STK3: variants seen among roughly 807,000 people sequenced by gnomAD.
STK3 encodes the protein serine/threonine kinase 3.
STK3 carries 41 observed loss-of-function variants against 58.0 expected under a neutral mutation model. The ratio of observed to expected loss-of-function variants is 0.71; its 90% CI spans 0.55 to 0.92. STK3 has a LOEUF of 0.92. STK3 is among the 40% of genes least tolerant of loss of function. The probability of loss-of-function intolerance (pLI) is 0.00; values close to 1 mark genes in which losing one functional copy is unlikely to be tolerated. For missense variants in STK3, 479 were observed against 602.7 expected (o/e 0.79, Z 2.15); for synonymous variants, 170 against 191.0 (o/e 0.89, Z 0.91).
chr8:98,458,026 G>A (rs1819630043), intron 10 of STK3, among the ~76,000 whole-genome samples: 1 of 151,994 alleles, frequency 6.6e-6, no homozygotes. Context: ...TAAGGAATTA[G>A]GTGTTCATGT....
At chr8:98,350,074 C>A in the STK3 span, among the ~76,000 whole-genome samples, 1 of 152,098 alleles carries the variant, frequency 6.6e-6, no homozygotes, top group Non-Finnish European at 1.5e-5. Context: ...TGCAATTTTT[C>A]CGAACTTTTA....
chr8:98,868,703 C>T (rs981640747), intron 3 of STK3, among the ~76,000 whole-genome samples: 1 of 152,074 alleles, frequency 6.6e-6, no homozygotes, highest in Non-Finnish European at 1.5e-5. Flanking sequence ...TGCAGTGGCT[C>T]GTGCCTGTAA....
chr8:98,413,471 A>T, intron 3 of STK3: 1 of 599,412 alleles, frequency 1.7e-6, no homozygotes. Context: ...AACTGCTCTG[A>T]AGTGGCTTCA....
At chr8:98,543,068 A>G (rs952525603) in intron 9 of STK3, among the ~76,000 whole-genome samples, 2 of 152,154 alleles carry the variant, frequency 1.3e-5, no homozygotes, top group African/African-American at 4.8e-5. Context: ...ATGGGAGCCT[A>G]TTAGAGGGGC....
chr8:98,548,725 C>T (rs962862990), intron 8 of STK3, among the ~76,000 whole-genome samples: 1 of 152,096 alleles, frequency 6.6e-6, no homozygotes, highest in Non-Finnish European at 1.5e-5. Flanking sequence ...TTCATTCCCC[C>T]TTTCCCCAGC....
chr8:98,890,535 C>T (rs900077069), intron 1 of STK3, among the ~76,000 whole-genome samples: 42 of 152,176 alleles, frequency 2.8e-4, no homozygotes, highest in African/African-American at 9.9e-4. Flanking sequence ...CAATCTGCTA[C>T]TCTGTTATTA....
chr8:98,662,443 A>G (rs1221001496), intron 6 of STK3, among the ~76,000 whole-genome samples: 2 of 152,196 alleles, frequency 1.3e-5, no homozygotes, highest in South Asian at 2.1e-4. Context: ...AAATTAAACA[A>G]TATGATCTAT....
chr8:98,930,416 AGAGTGT>A (rs1464700551), intron 1 of STK3, among the ~76,000 whole-genome samples: 1 of 152,236 alleles, frequency 6.6e-6, no homozygotes, highest in African/African-American at 2.4e-5. Context: ...TGTTCCATGC[AGAGTGT>A]GTTACTGAAT....
chr8:98,641,099 T>C (rs1819982155), intron 6 of STK3, among the ~76,000 whole-genome samples: 1 of 152,084 alleles, frequency 6.6e-6, no homozygotes, highest in African/African-American at 2.4e-5. Context: ...ATTTACAAAT[T>C]TCCCAGCACT....
intron 1 of STK3, among the ~76,000 whole-genome samples, chr8:98,383,389 T>C (rs535953727): frequency 6.6e-6 from 1 of 152,084 alleles, no homozygotes; most frequent in African/African-American, 2.4e-5. Context: ...TCAGACTAGA[T>C]GTATAAATGA....
the STK3 span, among the ~76,000 whole-genome samples, chr8:98,352,045 G>A: frequency 1.3e-5 from 2 of 150,878 alleles, no homozygotes; most frequent in Non-Finnish European, 2.9e-5. Context: ...GCTGAGGCAG[G>A]AGAATGGTGT....
intron 3 of STK3, among the ~76,000 whole-genome samples, chr8:98,422,643 C>T (rs550233618): frequency 4.3e-4 from 66 of 152,244 alleles, no homozygotes; most frequent in African/African-American, 1.5e-3. Flanking sequence ...TGGAGGGAGG[C>T]GACGACAAAG....
At chr8:98,450,726 T>C (rs1370550085), downstream of STK3, among the ~76,000 whole-genome samples, 1 of 152,232 alleles carries the variant, frequency 6.6e-6, no homozygotes, top group Non-Finnish European at 1.5e-5. Flanking sequence ...GAAGCTTGAA[T>C]GCATGCACCC....
At chr8:98,751,621 G>A (rs1829986817) in intron 3 of STK3, among the ~76,000 whole-genome samples, 1 of 152,088 alleles carries the variant, frequency 6.6e-6, no homozygotes, top group African/African-American at 2.4e-5. Context: ...TAAAGAAATG[G>A]GAAAACATTC....
intron 1 of STK3, among the ~76,000 whole-genome samples, chr8:98,797,998 A>G (rs142472227): frequency 7.3e-4 from 111 of 152,340 alleles, no homozygotes; most frequent in African/African-American, 2.3e-3. Context: ...GCATATTCCT[A>G]TAGAAAGAGA....
At chr8:98,865,434 T>C (rs991917775) in intron 3 of STK3, among the ~76,000 whole-genome samples, 7 of 152,096 alleles carry the variant, frequency 4.6e-5, no homozygotes. Context: ...TGCAATGGCA[T>C]GATATCACTG....
intron 7 of STK3, among the ~76,000 whole-genome samples, chr8:98,581,270 T>G (rs924564834): frequency 2.6e-5 from 4 of 152,158 alleles, no homozygotes; most frequent in Non-Finnish European, 5.9e-5. Flanking sequence ...GTAGTCTCAT[T>G]TTAGCTGATT....
At chr8:98,583,519 C>G (rs1382731745) in intron 7 of STK3, among the ~76,000 whole-genome samples, 1 of 152,120 alleles carries the variant, frequency 6.6e-6, no homozygotes, top group Admixed American at 6.6e-5. Context: ...GGGACAAGGT[C>G]ATGGGAAATA....
At chr8:98,384,089 G>A (rs959846870) in intron 1 of STK3, among the ~76,000 whole-genome samples, 2 of 152,198 alleles carry the variant, frequency 1.3e-5, no homozygotes, top group Non-Finnish European at 2.9e-5. Context: ...AGAACAGCAG[G>A]TGCAGCCAGT....
Sources: allele counts gnomAD v4.1 joint callset (sites outside exome capture counted in the v4.1 genomes callset), GRCh38; gene constraint gnomAD v4.1.1; transcripts MANE v1.5; gene names NCBI Gene and HGNC (gene_info 2026-07-23, HGNC 2026-07-21).